The following CAMSAP2 variants were observed in gnomAD, a reference collection of about 807,000 sequenced individuals.
CAMSAP2 encodes the protein calmodulin regulated spectrin associated protein family member 2.
Under a neutral mutation model 146.1 loss-of-function variants are expected in CAMSAP2, and 26 were observed. The ratio of observed to expected loss-of-function variants is 0.18; its 90% CI spans 0.13 to 0.25. CAMSAP2 has a LOEUF of 0.25. CAMSAP2 is among the 10% of genes least tolerant of loss of function. CAMSAP2 has a pLI of 1.00. For synonymous variants in CAMSAP2, 499 were observed against 596.6 expected (o/e 0.84, Z 2.38); for missense variants, 1,381 against 1,759.3 (o/e 0.78, Z 3.85).
rs142544755 is a variant in CAMSAP2, at chr1:200,838,708, C to T, written c.928-3286C>T. Among the ~76,000 whole-genome samples, 32 of 152,240 alleles carry T rather than the reference C, an allele frequency of 2.1e-4. No individual in the cohort carries two copies. In the South Asian group the frequency reaches 5.6e-3, roughly 27 times the overall value. ...GCCTCTTGTAAGCCATAGTAAGATT[C>T]CCTTTACCTCAAGAGCAATGGAAAG... On this transcript the variant is annotated intron_variant, in intron 6 of 16. Coordinates refer to ENST00000358823, the MANE Select transcript of CAMSAP2 (RefSeq NM_203459.4).
chr1:200,813,981 G>A (rs1336874878), intron 3 of CAMSAP2, among the ~76,000 whole-genome samples: 1 of 151,418 alleles, frequency 6.6e-6, no homozygotes, highest in South Asian at 2.1e-4. Flanking sequence ...GGTGGTACAC[G>A]CCTGTGGTCC....
At chr1:200,835,563 A>C (rs1667165415) in intron 6 of CAMSAP2, among the ~76,000 whole-genome samples, 1 of 152,182 alleles carries the variant, frequency 6.6e-6, no homozygotes, top group South Asian at 2.1e-4. Flanking sequence ...CATTTCTAAA[A>C]TAAGCCACTG....
chr1:200,780,274 G>A (rs1665395782), intron 2 of CAMSAP2, among the ~76,000 whole-genome samples: 1 of 152,068 alleles, frequency 6.6e-6, no homozygotes, highest in Admixed American at 6.6e-5. Flanking sequence ...GTTTTATGTG[G>A]GCAGTACTTG....
At chr1:200,772,669 T>C in intron 2 of CAMSAP2, among the ~76,000 whole-genome samples, 1 of 152,170 alleles carries the variant, frequency 6.6e-6, no homozygotes, top group Non-Finnish European at 1.5e-5. Context: ...AATTGCTTTA[T>C]CTTATAGAGA....
At chr1:200,834,010 G>A (rs1209862501) in intron 6 of CAMSAP2, among the ~76,000 whole-genome samples, 1 of 152,108 alleles carries the variant, frequency 6.6e-6, no homozygotes, top group Non-Finnish European at 1.5e-5. Context: ...CACATGGGTA[G>A]TATTATTTTC....
chr1:200,816,998 A>G (rs534548765), intron 4 of CAMSAP2, among the ~76,000 whole-genome samples: 3 of 137,054 alleles, frequency 2.2e-5, no homozygotes, highest in Non-Finnish European at 3.3e-5. Flanking sequence ...ATATACATAT[A>G]TGTGTACCCA....
chr1:200,792,753 A>G (rs1292409356), intron 2 of CAMSAP2, among the ~76,000 whole-genome samples: 1 of 152,230 alleles, frequency 6.6e-6, no homozygotes, highest in Non-Finnish European at 1.5e-5. Flanking sequence ...TGGAGAACAG[A>G]TTAGTGATTG....
chr1:200,783,903 C>T (rs1284028177), intron 2 of CAMSAP2, among the ~76,000 whole-genome samples: 1 of 152,004 alleles, frequency 6.6e-6, no homozygotes. Context: ...TCTTTTCTTG[C>T]CTATATTATG....
chr1:200,745,729 C>T (rs1191516704), intron 1 of CAMSAP2, among the ~76,000 whole-genome samples: 1 of 152,180 alleles, frequency 6.6e-6, no homozygotes, highest in East Asian at 1.9e-4. Context: ...GCCTCGGCCT[C>T]CCAAAGTGCT....
chr1:200,746,485 T>C (rs1664328650), intron 1 of CAMSAP2, among the ~76,000 whole-genome samples: 1 of 151,968 alleles, frequency 6.6e-6, no homozygotes, highest in East Asian at 1.9e-4. Context: ...CCATGTTGAG[T>C]TTGAGGAATA....
At position 200,857,923 on chromosome 1, in the gene CAMSAP2, A is replaced by G. The variant is rs1258371505; in HGVS notation, c.4301A>G (p.Asn1434Ser). ...KKMIEGLYKYNSDRKQFSHIP... is the reference protein window; with the variant it reads ...KKMIEGLYKYSSDRKQFSHIP... ...ATGATTGAAGGACTTTACAAATATA[A>G]TTCTGACAGGAAACAGTTTAGCCAC... The change falls in exon 17 of 17, where the codon AAT becomes AGT. Residue 1434 changes from asparagine (N) to serine (S), a missense_variant. This residue lies in a region of CAMSAP2 where 90 missense variants were observed against 174.4 expected (regional missense o/e 0.52). Transcript: ENST00000358823. This position sits in a 1 kb window ranked among gnomAD's most constrained non-coding sequence, Gnocchi z 4.7. The G allele has an allele frequency of 6.2e-7, 1 of 1,613,922 alleles. No homozygotes were observed. The highest frequency in any genetic ancestry group is 8.5e-7 in the Non-Finnish European group (1 of 1,179,860).
In CAMSAP2 at chr1:200,816,605, A is replaced by AT. The variant is rs1553288218; in HGVS notation, c.645+961_645+962insT. 2.7e-3 allele frequency among the ~76,000 whole-genome samples: 296 copies of AT among 111,220 alleles called. 6 individuals carry two copies. Among genetic ancestry groups the AT allele is most frequent in the Middle Eastern group, 0.011 (2 of 190 alleles). The allele number at this position is 111,220 out of a possible 152,430, so 73.0% of individuals were successfully genotyped here. ...GCAAAACTTCATCTCAAAAAAAAAA[A>AT]ATATATATATATATATATATGTATA... On this transcript the variant is annotated intron_variant, in intron 4 of 16. Coordinates refer to ENST00000358823, the MANE Select transcript of CAMSAP2 (RefSeq NM_203459.4).
intron 2 of CAMSAP2, among the ~76,000 whole-genome samples, chr1:200,776,694 A>G (rs952712182): frequency 2.0e-5 from 3 of 152,204 alleles, no homozygotes; most frequent in Non-Finnish European, 4.4e-5. Context: ...ACTGCACTCC[A>G]GCCTGGGCAA....
intron 2 of CAMSAP2, among the ~76,000 whole-genome samples, chr1:200,797,020 A>G (rs1255133648): frequency 6.6e-6 from 1 of 152,194 alleles, no homozygotes; most frequent in African/African-American, 2.4e-5. Flanking sequence ...TTATGGCTGC[A>G]TAGTATTCCA....
chr1:200,853,591 A>T lies in CAMSAP2; in HGVS notation c.3823+96A>T. The stretch of plus-strand genomic sequence containing the variant: ...GTTGTACTTTGATGTGCAAAATTGG[A>T]TACACAGTTTGAGATTGTGCATGCT... On this transcript the variant is annotated intron_variant, in intron 13 of 16. Coordinates refer to ENST00000358823, the MANE Select transcript of CAMSAP2 (RefSeq NM_203459.4). The surrounding 1 kb of genome is among the most constrained non-coding windows in gnomAD (Gnocchi z 5.1). 1 of 937,602 alleles carries T rather than the reference A, an allele frequency of 1.1e-6. No homozygotes were observed. Among genetic ancestry groups the T allele is most frequent in the South Asian group, 1.6e-5 (1 of 61,406 alleles). 58.1% of individuals were successfully genotyped at this position (937,602 alleles called of 1,614,324 possible). A position where few individuals can be genotyped will look rare whatever the true frequency, so the allele number is the denominator to read the frequency against.
intron 6 of CAMSAP2, among the ~76,000 whole-genome samples, chr1:200,838,905 G>A (rs1258249163): frequency 6.6e-6 from 1 of 152,204 alleles, no homozygotes; most frequent in African/African-American, 2.4e-5. Context: ...TTGGACATGG[G>A]AGAAAGAAGG....
At chr1:200,756,153 C>T (rs2102996946) in intron 1 of CAMSAP2, among the ~76,000 whole-genome samples, 1 of 152,170 alleles carries the variant, frequency 6.6e-6, no homozygotes, top group East Asian at 1.9e-4. Flanking sequence ...ACTCAAGATC[C>T]CATCAAGTAA....
chr1:200,856,259 G>T (rs1667750554), intron 15 of CAMSAP2, 134 bp downstream of exon 15: 1 of 627,760 alleles, frequency 1.6e-6, no homozygotes, highest in East Asian at 2.7e-5. Context: ...AATGCAGGTG[G>T]TCACTTTCAG....
chr1:200,778,254 T>G (rs1368999221), intron 2 of CAMSAP2, among the ~76,000 whole-genome samples: 1 of 152,202 alleles, frequency 6.6e-6, no homozygotes, highest in Non-Finnish European at 1.5e-5. Context: ...AATATATTTT[T>G]TAAGAAAAGA....
Sources: allele counts gnomAD v4.1 joint callset (sites outside exome capture counted in the v4.1 genomes callset), GRCh38; gene constraint gnomAD v4.1.1; regional missense constraint gnomAD v4.1.1; non-coding constraint Gnocchi (gnomAD v3.1); transcripts MANE v1.5; gene names NCBI Gene and HGNC (gene_info 2026-07-23, HGNC 2026-07-21).